The following IGDCC3 variants were observed in gnomAD, a reference collection of about 807,000 sequenced individuals.
The protein encoded by IGDCC3 is immunoglobulin superfamily DCC subclass member 3.
In IGDCC3, 47 loss-of-function variants were observed where a neutral mutation model predicts 72.0. The observed-to-expected ratio is 0.65, with a 90% CI of 0.52 to 0.83. The LOEUF (loss-of-function observed/expected upper bound fraction) is 0.83, where lower values mean the gene tolerates loss of function less well. Among genes scored for constraint, IGDCC3 ranks in the 40% least tolerant of loss-of-function variants. IGDCC3 has a pLI of 0.00. For missense variants in IGDCC3, 1,038 were observed against 1,091.3 expected, an observed-to-expected ratio of 0.95 and a Z score of 0.69; for synonymous variants, 477 against 472.8, an observed-to-expected ratio of 1.01 and a Z score of -0.11.
intron 3 of IGDCC3, 118 bp downstream of exon 3, chr15:65,335,694 A>T: frequency 8.3e-7 from 1 of 1,198,176 alleles, no homozygotes; most frequent in Non-Finnish European, 1.2e-6. Flanking sequence ...AAACACCACT[A>T]TCTCAGGCAC....
chr15:65,347,937 AAAC>A (rs138666608), intron 2 of IGDCC3, among the ~76,000 whole-genome samples: 6,236 of 150,636 alleles, frequency 0.041, 158 homozygotes, highest in Non-Finnish European at 0.062. Flanking sequence ...ATTTCATCTC[AAAC>A]AACAACAACA....
At chr15:65,349,636 G>A (rs1049453965) in intron 2 of IGDCC3, among the ~76,000 whole-genome samples, 2 of 152,170 alleles carry the variant, frequency 1.3e-5, no homozygotes, top group African/African-American at 2.4e-5. Flanking sequence ...AAACTTGGTT[G>A]CAGGTCCCTG....
chr15:65,334,149 G>A (rs145278906), intron 5 of IGDCC3, among the ~76,000 whole-genome samples: 195 of 152,178 alleles, frequency 1.3e-3, no homozygotes, highest in Non-Finnish European at 2.2e-3. Context: ...CTGTGAATGC[G>A]GTGCCCCACC....
At chr15:65,357,821 T>TA (rs1460664221) in intron 2 of IGDCC3, among the ~76,000 whole-genome samples, 1 of 152,232 alleles carries the variant, frequency 6.6e-6, no homozygotes, top group East Asian at 1.9e-4. Context: ...TCTAGGCCCT[T>TA]AAGCCCTCTT....
chr15:65,352,884 CATT>C (rs1327574463), intron 2 of IGDCC3, among the ~76,000 whole-genome samples: 1 of 152,198 alleles, frequency 6.6e-6, no homozygotes, highest in Non-Finnish European at 1.5e-5. Flanking sequence ...AGTCTAGTCT[CATT>C]AGTTGTTTTT....
At chr15:65,348,071 C>T (rs1310476788) in intron 2 of IGDCC3, among the ~76,000 whole-genome samples, 2 of 152,242 alleles carry the variant, frequency 1.3e-5, no homozygotes, top group East Asian at 1.9e-4. Flanking sequence ...CACTGCTACA[C>T]TCCCATCAGC....
At chr15:65,350,704 T>G (rs947735917) in intron 2 of IGDCC3, among the ~76,000 whole-genome samples, 15 of 151,920 alleles carry the variant, frequency 9.9e-5, no homozygotes, top group Non-Finnish European at 1.8e-4. Flanking sequence ...TCAGGTGATC[T>G]GCCCACCTCA....
chr15:65,356,350 A>C (rs1040803776), intron 2 of IGDCC3: 3 of 152,368 alleles, frequency 2.0e-5, no homozygotes, highest in Non-Finnish European at 4.4e-5. Context: ...TGAAGGGACT[A>C]GAGGAGTCGG....
chr15:65,366,276 G>A (rs1247009482), intron 2 of IGDCC3, among the ~76,000 whole-genome samples: 1 of 151,838 alleles, frequency 6.6e-6, no homozygotes, highest in East Asian at 1.9e-4. Context: ...CTACTCAGGA[G>A]GCTGAGGTTG....
chr15:65,374,608 C>T (rs954085170), intron 2 of IGDCC3, among the ~76,000 whole-genome samples: 4 of 151,970 alleles, frequency 2.6e-5, no homozygotes, highest in African/African-American at 9.7e-5. Flanking sequence ...TAACAAGCTC[C>T]AGAATTTCAT....
At chr15:65,370,538 T>TTA (rs1201897396) in intron 2 of IGDCC3, among the ~76,000 whole-genome samples, 30 of 119,374 alleles carry the variant, frequency 2.5e-4, no homozygotes, top group African/African-American at 8.9e-4. Flanking sequence ...ATATATATAT[T>TTA]TATATATATA....
rs900631707 is a variant in IGDCC3, at chr15:65,377,862, C to A, written c.-74G>T. Reference sequence around the variant, plus strand: ...CGCGGCTCACAGCGTCCCGCGGGGCCGGCGCCGGGGCCGGGGCTGGGGCTC... The same window carrying A: ...CGCGGCTCACAGCGTCCCGCGGGGCAGGCGCCGGGGCCGGGGCTGGGGCTC... On this transcript the variant is annotated 5_prime_UTR_variant, in exon 1 of 14. Coordinates refer to ENST00000327987, the MANE Select transcript of IGDCC3 (RefSeq NM_004884.4). The surrounding 1 kb of genome is among the most constrained non-coding windows in gnomAD (Gnocchi z 4.9). 124 of 1,071,044 alleles carry A rather than the reference C, an allele frequency of 1.2e-4. No individual in the cohort carries two copies. Among genetic ancestry groups the A allele is most frequent in the Non-Finnish European group, 1.3e-4 (115 of 886,840 alleles). The allele number at this position is 1,071,044 out of a possible 1,614,324, so 66.3% of individuals were successfully genotyped here. A position where few individuals can be genotyped will look rare whatever the true frequency, so the allele number is the denominator to read the frequency against.
intron 2 of IGDCC3, among the ~76,000 whole-genome samples, chr15:65,345,592 ATG>A (rs2091118486): frequency 6.6e-6 from 1 of 150,670 alleles, no homozygotes; most frequent in Non-Finnish European, 1.5e-5. Context: ...ACACACACGC[ATG>A]CACACACAGA....
rs891579794 is a variant in IGDCC3, at chr15:65,333,020, C to CT, written c.982+236_982+237insA. On this transcript the variant is annotated intron_variant, in intron 6 of 13. Coordinates refer to ENST00000327987, the MANE Select transcript of IGDCC3 (RefSeq NM_004884.4). ...CCCTGGGTGGAGGGGTATTGACGGA[C>CT]CCGGAGGGCACGCAGAGGCCGGGGA... Among the ~76,000 whole-genome samples, 876 of 152,140 alleles carry CT rather than the reference C, an allele frequency of 5.8e-3. 8 individuals carry two copies. Among genetic ancestry groups the CT allele is most frequent in the African/African-American group, 0.02 (829 of 41,518 alleles).
Position 65,329,603 on chromosome 15 carries a change from G to A in IGDCC3, c.1998-6C>T, listed in dbSNP as rs2090957869. 24 of 1,613,562 alleles carry A rather than the reference G, an allele frequency of 1.5e-5. No individual in the cohort carries two copies. The highest frequency in any genetic ancestry group is 1.9e-5 in the Non-Finnish European group (23 of 1,179,834). ...CATCTTTACACAGGAGGACCCTAAG[G>A]GTTAGCCAAGAGTTGGGGGGAGGGA... On this transcript the variant is annotated splice_region_variant and splice_polypyrimidine_tract_variant and intron_variant, in intron 12 of 13. Transcript: ENST00000327987. The surrounding 1 kb of genome is among the most constrained non-coding windows in gnomAD (Gnocchi z 4.1).
intron 2 of IGDCC3, among the ~76,000 whole-genome samples, chr15:65,360,570 TAA>T (rs2091253919): frequency 1.3e-5 from 2 of 152,156 alleles, no homozygotes; most frequent in Non-Finnish European, 2.9e-5. Flanking sequence ...AGCTGGGATA[TAA>T]GAGGCAAAAC....
Position 65,331,634 on chromosome 15 carries a change from G to C in IGDCC3, c.1174C>G (p.Pro392Ala). 6.2e-7 allele frequency: 1 copy of C among 1,609,684 alleles called. No individual in the cohort carries two copies. The highest frequency in any genetic ancestry group is 8.5e-7 in the Non-Finnish European group (1 of 1,177,116). ...NSTLTISGIG[P>A]EDEAIYQCVA... is the part of the protein sequence containing the mutation. The stretch of plus-strand genomic sequence containing the variant: ...CACTGATAAATGGCTTCATCCTCAG[G>C]ACCGATTCCAGAAATGGTCAGTGTG... The change falls in exon 8 of 14, where the codon CCT becomes GCT. Residue 392 changes from proline to alanine, a missense_variant. Physicochemically the swap from Pro to Ala is conservative, Grantham distance 27 (BLOSUM62 -1). Coordinates refer to ENST00000327987, the MANE Select transcript of IGDCC3 (RefSeq NM_004884.4).
chr15:65,327,224 C>G lies in IGDCC3; in HGVS notation c.*1685G>C, dbSNP rs1048810698. 7 of 152,784 alleles carry G rather than the reference C, an allele frequency of 4.6e-5. No homozygotes were observed. The highest frequency in any genetic ancestry group is 4.6e-4 in the Admixed American group (7 of 15,290). The allele number at this position is 152,784 out of a possible 1,614,324, so 9.5% of individuals were successfully genotyped here. A position where few individuals can be genotyped will look rare whatever the true frequency, so the allele number is the denominator to read the frequency against. On this transcript the variant is annotated 3_prime_UTR_variant, in exon 14 of 14. Transcript: ENST00000327987. ...GCCCCCCAGCCCCCTCCTGCCCCAGCCGCACCCTTCCCAAGGGAGAGGGAG... is the reference window on the plus strand; with the variant it reads ...GCCCCCCAGCCCCCTCCTGCCCCAGGCGCACCCTTCCCAAGGGAGAGGGAG...
Position 65,329,514 on chromosome 15 carries a change from A to T in IGDCC3, c.2081T>A (p.Leu694Gln). The change falls in exon 13 of 14, where the codon CTA becomes CAA. Residue 694 changes from leucine to glutamine, a missense_variant. Leu to Gln is a moderately radical substitution (Grantham distance 113). Transcript: ENST00000327987. The surrounding 1 kb of genome is among the most constrained non-coding windows in gnomAD (Gnocchi z 4.1). Reference sequence around the variant, plus strand: ...CCGCTGTCCCCGTCTCGCCCCATTTAGGGCTAGAATGCCAGGGTCCCTCTG... The same window carrying T: ...CCGCTGTCCCCGTCTCGCCCCATTTTGGGCTAGAATGCCAGGGTCCCTCTG... ...RSQRDPGILA[L>Q]NGARRGQRGQ... 1 of 1,606,502 alleles carries T rather than the reference A, an allele frequency of 6.2e-7. No homozygotes were observed. The highest frequency in any genetic ancestry group is 1.1e-5 in the South Asian group (1 of 90,044).
Sources: gnomAD v4.1 joint callset for allele counts (sites outside exome capture counted in the v4.1 genomes callset) on GRCh38, gnomAD v4.1.1 for gene constraint, Gnocchi (gnomAD v3.1) non-coding constraint, MANE v1.5 for transcripts, NCBI Gene and HGNC (gene_info 2026-07-23, HGNC 2026-07-21) for gene names.